The following IDO2 variants were observed in gnomAD, a reference collection of about 807,000 sequenced individuals.
IDO2 encodes the protein indoleamine 2,3-dioxygenase 2.
A neutral mutation model predicts 45.1 loss-of-function variants in IDO2; 46 were observed. The observed-to-expected ratio is 1.02, with a 90% CI of 0.80 to 1.30. IDO2 has a LOEUF of 1.30. Among genes scored for constraint, IDO2 ranks in the 50% most tolerant of loss-of-function variants. The pLI is 0.00. For missense variants in IDO2, 544 were observed against 491.8 expected (o/e 1.11, Z -1.00); for synonymous variants, 218 against 184.9 (o/e 1.18, Z -1.45).
chr8:39,958,395 A>T (rs1807936673), intron 2 of IDO2, among the ~76,000 whole-genome samples: 1 of 149,892 alleles, frequency 6.7e-6, no homozygotes, highest in Admixed American at 6.7e-5. Flanking sequence ...TACCACACCC[A>T]GCTAATTTTT....
At chr8:39,934,932 A>G in exon 1 of IDO2, 2 of 613,286 alleles carry the variant, frequency 3.3e-6, no homozygotes, top group South Asian at 3.9e-5. Flanking sequence ...AGTTGAGTCC[A>G]TACACACTGG....
intron 9 of IDO2, among the ~76,000 whole-genome samples, chr8:40,007,840 A>T (rs1418091138): frequency 1.3e-5 from 2 of 152,172 alleles, no homozygotes; most frequent in East Asian, 3.9e-4. Context: ...AAGTCAATTT[A>T]TCTATTGGGC....
intron 3 of IDO2, among the ~76,000 whole-genome samples, chr8:39,966,466 G>C (rs1808087187): frequency 6.6e-6 from 1 of 152,194 alleles, no homozygotes; most frequent in Non-Finnish European, 1.5e-5. Context: ...GAATCAGTTA[G>C]CAATTTCCTG....
chr8:39,947,535 T>C (rs965528662), intron 1 of IDO2, among the ~76,000 whole-genome samples: 2 of 152,188 alleles, frequency 1.3e-5, no homozygotes, highest in African/African-American at 4.8e-5. Flanking sequence ...CTCCTTCCTT[T>C]GTTCTCCTCT....
At chr8:39,941,909 A>T (rs1181213650) in intron 1 of IDO2, among the ~76,000 whole-genome samples, 1 of 151,816 alleles carries the variant, frequency 6.6e-6, no homozygotes, top group Non-Finnish European at 1.5e-5. Flanking sequence ...ACACAGCAAA[A>T]CCCCATCTCT....
intron 8 of IDO2, among the ~76,000 whole-genome samples, chr8:39,990,815 G>A (rs753831546): frequency 3.3e-5 from 5 of 152,150 alleles, no homozygotes; most frequent in Non-Finnish European, 7.3e-5. Flanking sequence ...GGTCAGTTAC[G>A]GGGCCCAACC....
Position 39,941,067 on chromosome 8 carries a change from C to T in IDO2, c.-18+5849C>T, listed in dbSNP as rs149132422. 4.8e-3 allele frequency among the ~76,000 whole-genome samples: 720 copies of T among 151,034 alleles called. 6 individuals are homozygous for T. The highest frequency in any genetic ancestry group is 7.6e-3 in the African/African-American group (315 of 41,210). ...GAAACCCAATCTCTTCTAAAAAATA[C>T]AAAAATTAGCTTGGTGTGGTGGCAG... On this transcript the variant is annotated intron_variant, in intron 1 of 10. Coordinates refer to ENST00000502986, the Ensembl canonical transcript of IDO2.
intron 3 of IDO2, among the ~76,000 whole-genome samples, chr8:39,965,389 G>A (rs2111741): frequency 0.37 from 55,432 of 151,868 alleles, 10,609 homozygotes; most frequent in East Asian, 0.58. Context: ...TGGGAGGCTG[G>A]GGCAGAAGAA....
intron 9 of IDO2, among the ~76,000 whole-genome samples, chr8:40,010,806 G>A (rs184285519): frequency 2.6e-4 from 40 of 152,256 alleles, no homozygotes; most frequent in African/African-American, 3.6e-4. Flanking sequence ...TTGGGGACAC[G>A]GTCATATCAA....
chr8:39,972,609 CAAAAAAAAAAA>C (rs35394460), intron 3 of IDO2, among the ~76,000 whole-genome samples: 18 of 34,560 alleles, frequency 5.2e-4, no homozygotes, highest in African/African-American at 1.8e-3. Context: ...GACTCCATCT[CAAAAAAAAAAA>C]AAAAAAAAAA....
chr8:39,977,672 T>A (rs1378437374), intron 3 of IDO2, among the ~76,000 whole-genome samples: 1 of 152,160 alleles, frequency 6.6e-6, no homozygotes, highest in African/African-American at 2.4e-5. Context: ...CAGAGCAAGA[T>A]CCTGTTTCTA....
intron 1 of IDO2, among the ~76,000 whole-genome samples, chr8:39,937,519 ATCT>A (rs1417559098): frequency 6.9e-6 from 1 of 145,716 alleles, no homozygotes; most frequent in Non-Finnish European, 1.5e-5. Flanking sequence ...ACACCAAAAT[ATCT>A]TCTTTTTTTT....
chr8:40,015,516 A>AG lies in IDO2; in HGVS notation c.1142dup (p.Thr382HisfsTer11), dbSNP rs1180772518. ...AGGGCCTCCTCAGGCTTTAAAAGAC[A>AG]GGGGCACAGGTGGAACCGCAGTTAT... On this transcript the variant is annotated frameshift_variant, in exon 11 of 11. Coordinates refer to ENST00000502986, the Ensembl canonical transcript of IDO2. LOFTEE classifies it high-confidence loss of function. The AG allele has an allele frequency of 6.2e-7, 1 of 1,614,018 alleles. No homozygotes were observed. The highest frequency in any genetic ancestry group is 1.7e-5 in the Admixed American group (1 of 60,012).
intron 8 of IDO2, among the ~76,000 whole-genome samples, chr8:40,003,676 A>T (rs1004852568): frequency 6.6e-6 from 1 of 152,150 alleles, no homozygotes; most frequent in Non-Finnish European, 1.5e-5. Flanking sequence ...ATATTGTTTG[A>T]GTAGCATGCT....
chr8:39,998,780 A>G (rs1802090548), intron 8 of IDO2, among the ~76,000 whole-genome samples: 1 of 151,202 alleles, frequency 6.6e-6, no homozygotes, highest in African/African-American at 2.4e-5. Flanking sequence ...AGCTGAGATT[A>G]CAGGTGCACA....
At chr8:39,939,322 G>A (rs1208996829) in intron 1 of IDO2, among the ~76,000 whole-genome samples, 1 of 151,160 alleles carries the variant, frequency 6.6e-6, no homozygotes, top group Non-Finnish European at 1.5e-5. Context: ...TGAGGTAGGC[G>A]GATCACTTGA....
intron 2 of IDO2, 133 bp from the exon 3 acceptor site, chr8:39,963,475 T>C (rs1808029936): frequency 1.6e-6 from 1 of 612,274 alleles, no homozygotes. Context: ...AACTAGCATA[T>C]GGTGCATTCT....
At chr8:40,007,067 T>G (rs1802235509) in intron 9 of IDO2, among the ~76,000 whole-genome samples, 1 of 152,042 alleles carries the variant, frequency 6.6e-6, no homozygotes, top group Admixed American at 6.6e-5. Flanking sequence ...ATTAAGAGTT[T>G]CTGCTATGTT....
In IDO2 at chr8:39,979,151, T is replaced by C. The variant is rs759803417; in HGVS notation, c.280T>C (p.Tyr94His). 3.3e-5 allele frequency: 53 copies of C among 1,600,842 alleles called. No homozygotes were observed. The East Asian group carries it at 1.1e-3, about 35-fold the overall frequency. Residue 94 changes from tyrosine (Y) to histidine (H), a missense_variant, in exon 4 of 11, where the codon TAT (tyrosine) becomes CAT (histidine). Coordinates refer to ENST00000502986, the Ensembl canonical transcript of IDO2. Reference sequence around the variant, plus strand: ...GGTCCTGAGCTTCCTCACCATGGGTTATGTCTGGCAGGAAGGAGAGGCGCA... The same window carrying C: ...GGTCCTGAGCTTCCTCACCATGGGTCATGTCTGGCAGGAAGGAGAGGCGCA...
Sources: allele counts gnomAD v4.1 joint callset (sites outside exome capture counted in the v4.1 genomes callset), GRCh38; gene constraint gnomAD v4.1.1; transcripts MANE v1.5; gene names NCBI Gene and HGNC (gene_info 2026-07-23, HGNC 2026-07-21).